MAST2: variants seen among roughly 807,000 people sequenced by gnomAD.
MAST2 encodes the protein microtubule associated serine/threonine kinase 2, also known as microtubule-associated serine/threonine-protein kinase 2.
In MAST2, 70 loss-of-function variants were observed where a neutral mutation model predicts 147.4. That is an observed-to-expected ratio of 0.47 (90% CI 0.39 to 0.58). The LOEUF (loss-of-function observed/expected upper bound fraction) is 0.58. MAST2 is among the 20% of genes least tolerant of loss of function. The pLI is 0.00. For missense variants in MAST2, 2,080 were observed against 2,302.3 expected, an observed-to-expected ratio of 0.90 and a Z score of 1.98; for synonymous variants, 869 against 896.8, an observed-to-expected ratio of 0.97 and a Z score of 0.55.
chr1:46,034,832 T>G lies in MAST2; in HGVS notation c.4163T>G (p.Leu1388Arg). 1.9e-6 allele frequency: 3 copies of G among 1,614,100 alleles called. No individual in the cohort carries two copies. The highest frequency in any genetic ancestry group is 1.7e-6 in the Non-Finnish European group (2 of 1,180,024). Residue 1388 changes from leucine (L) to arginine (R), a missense_variant, in exon 29 of 29, where the codon CTC (leucine) becomes CGC (arginine). Around this residue, in one of 4 missense-constraint regions of MAST2, gnomAD observed 1,278 missense variants for 1,304.2 expected, o/e 0.98. Coordinates refer to ENST00000361297, the MANE Select transcript of MAST2 (RefSeq NM_015112.3). ...LHLSPPLGRQ[L>R]SRPKSAEPPR... ...TTGTCACCTCCCCTGGGCAGGCAAC[T>G]CTCACGGCCCAAGAGTGCGGAGCCA...
chr1:46,004,978 G>T (rs1645425319), intron 7 of MAST2, among the ~76,000 whole-genome samples: 1 of 152,058 alleles, frequency 6.6e-6, no homozygotes, highest in African/African-American at 2.4e-5. Context: ...GAGGCATGAG[G>T]ATCACTTGAG....
chr1:45,855,944 C>A (rs1204793386), intron 3 of MAST2, among the ~76,000 whole-genome samples: 1 of 152,140 alleles, frequency 6.6e-6, no homozygotes, highest in South Asian at 2.1e-4. Context: ...GTTTTACTCA[C>A]CTTATCATTA....
intron 3 of MAST2, among the ~76,000 whole-genome samples, chr1:45,877,900 G>A (rs912388784): frequency 6.6e-6 from 1 of 152,136 alleles, no homozygotes; most frequent in Non-Finnish European, 1.5e-5. Context: ...ATCTAGCAAT[G>A]TATTTGATAA....
At chr1:45,925,304 C>T (rs947822376) in intron 4 of MAST2, among the ~76,000 whole-genome samples, 1 of 152,204 alleles carries the variant, frequency 6.6e-6, no homozygotes, top group African/African-American at 2.4e-5. Context: ...TATAAACAAA[C>T]GTTGATGCTA....
At chr1:45,894,436 GT>G (rs1336775645) in intron 4 of MAST2, among the ~76,000 whole-genome samples, 1 of 151,848 alleles carries the variant, frequency 6.6e-6, no homozygotes, top group African/African-American at 2.4e-5. Context: ...AATAACTGTA[GT>G]TTTTTTTATG....
intron 3 of MAST2, among the ~76,000 whole-genome samples, chr1:45,832,219 T>C (rs1644979639): frequency 6.6e-6 from 1 of 151,996 alleles, no homozygotes; most frequent in African/African-American, 2.4e-5. Context: ...CAAGCAAAAA[T>C]GGATGAGTGT....
chr1:45,982,002 A>G (rs1571055955), intron 5 of MAST2, among the ~76,000 whole-genome samples: 2 of 152,104 alleles, frequency 1.3e-5, no homozygotes. Context: ...GCACACCACC[A>G]CGCCCAGCTA....
Position 45,804,052 on chromosome 1 carries a change from G to C in MAST2, c.157G>C (p.Gly53Arg), listed in dbSNP as rs1272752254. ...QRLEERTGPA[G>R]PEGKEQDVVT... ...GCTGGAGGAGCGGACGGGCCCCGCG[G>C]GGCCCGAGGGCAAGGAGCAGGTAGG... Residue 53 changes from glycine (G) to arginine (R), a missense_variant, in exon 1 of 29, where the codon GGG (glycine) becomes CGG (arginine). Gly to Arg is a moderately radical substitution (Grantham distance 125, BLOSUM62 -2). Around this residue, in one of 4 missense-constraint regions of MAST2, gnomAD observed 569 missense variants for 642.5 expected, o/e 0.89. Transcript: ENST00000361297. 6.3e-6 allele frequency: 8 copies of C among 1,276,502 alleles called. No individual in the cohort carries two copies. Among genetic ancestry groups the C allele is most frequent in the Non-Finnish European group, 8.0e-6 (8 of 1,003,376 alleles). The allele number at this position is 1,276,502 out of a possible 1,614,324, so 79.1% of individuals were successfully genotyped here.
intron 7 of MAST2, among the ~76,000 whole-genome samples, chr1:46,005,796 C>T: frequency 6.6e-6 from 1 of 152,200 alleles, no homozygotes; most frequent in East Asian, 1.9e-4. Flanking sequence ...ACAGCCTTCA[C>T]AGCCCCAGCA....
intron 5 of MAST2, among the ~76,000 whole-genome samples, chr1:45,977,978 G>A (rs1417332253): frequency 1.3e-5 from 2 of 152,110 alleles, no homozygotes; most frequent in Non-Finnish European, 2.9e-5. Flanking sequence ...CACTGCGGGA[G>A]CCTTAGGTGG....
chr1:45,879,747 A>G (rs557650364), intron 3 of MAST2, among the ~76,000 whole-genome samples: 2 of 152,272 alleles, frequency 1.3e-5, no homozygotes, highest in African/African-American at 2.4e-5. Context: ...AAATTTTAAG[A>G]TACTTCACAA....
At position 45,971,987 on chromosome 1, in the gene MAST2, C is replaced by T. The variant is rs981281867; in HGVS notation, c.592+12510C>T. Among the ~76,000 whole-genome samples the T allele has an allele frequency of 1.8e-4, 28 of 152,054 alleles. 1 individual carries two copies. The highest frequency in any genetic ancestry group is 6.5e-4 in the African/African-American group (27 of 41,388). On this transcript the variant is annotated intron_variant, in intron 5 of 28. Coordinates refer to ENST00000361297, the MANE Select transcript of MAST2 (RefSeq NM_015112.3). ...TGAGTATTCTGGAACTAAGAGTGTG[C>T]CTTCCATAAAAGCATTCAGTCCCTA... is the stretch of plus-strand genomic sequence containing the variant.
At chr1:45,948,416 T>C (rs867012164) in intron 4 of MAST2, among the ~76,000 whole-genome samples, 204 of 152,098 alleles carry the variant, frequency 1.3e-3, no homozygotes, top group African/African-American at 4.7e-3. Flanking sequence ...TAAAAAATTA[T>C]ATGGAACCGG....
chr1:45,920,400 T>G lies in MAST2; in HGVS notation c.500+38005T>G, dbSNP rs557997337. On this transcript the variant is annotated intron_variant, in intron 4 of 28. Coordinates refer to ENST00000361297, the MANE Select transcript of MAST2 (RefSeq NM_015112.3). ...TGCTGGACTCTGTTTGAGTACCCCC[T>G]TTTGCTGCTTCCTAGGCATGCAGTC... Among the ~76,000 whole-genome samples, 175 of 152,304 alleles carry G rather than the reference T, an allele frequency of 1.1e-3. 5 individuals are homozygous for G. The South Asian group carries it at 0.035, about 31-fold the overall frequency.
chr1:45,825,468 T>G (rs181533094), intron 2 of MAST2, among the ~76,000 whole-genome samples: 38 of 151,738 alleles, frequency 2.5e-4, no homozygotes, highest in African/African-American at 8.9e-4. Flanking sequence ...AGTCTCACTT[T>G]ACTGCCCAGG....
At chr1:45,808,777 A>G (rs889323759) in intron 1 of MAST2, among the ~76,000 whole-genome samples, 1 of 152,100 alleles carries the variant, frequency 6.6e-6, no homozygotes, top group Admixed American at 6.6e-5. Flanking sequence ...GTGCTTTATA[A>G]ATACTCGTTA....
intron 4 of MAST2, among the ~76,000 whole-genome samples, chr1:45,892,087 G>A (rs953732394): frequency 2.0e-5 from 3 of 152,170 alleles, no homozygotes; most frequent in Non-Finnish European, 2.9e-5. Context: ...AAAGTGGTTT[G>A]TTATACCTGA....
chr1:45,986,316 G>A (rs1644613424), intron 5 of MAST2, among the ~76,000 whole-genome samples: 2 of 152,138 alleles, frequency 1.3e-5, no homozygotes, highest in South Asian at 4.1e-4. Context: ...GCCTACTAAT[G>A]TAGTGACTTA....
chr1:45,878,181 G>A (rs1646687453), intron 3 of MAST2, among the ~76,000 whole-genome samples: 1 of 148,492 alleles, frequency 6.7e-6, no homozygotes, highest in Non-Finnish European at 1.5e-5. Context: ...TCCAGTCTGG[G>A]TGATGGAGCA....
Sources: gnomAD v4.1 joint callset for allele counts (sites outside exome capture counted in the v4.1 genomes callset) on GRCh38, gnomAD v4.1.1 for gene constraint, gnomAD v4.1.1 regional missense constraint, MANE v1.5 for transcripts, NCBI Gene and HGNC (gene_info 2026-07-23, HGNC 2026-07-21) for gene names.